The following SLC6A17 variants were observed in gnomAD, a reference collection of about 807,000 sequenced individuals.
SLC6A17 encodes sodium-dependent neutral amino acid transporter SLC6A17.
A neutral mutation model predicts 64.5 loss-of-function variants in SLC6A17; 21 were observed. That is an observed-to-expected ratio of 0.33 (90% CI 0.23 to 0.47). The LOEUF is 0.47. SLC6A17 is among the 20% of genes least tolerant of loss of function. The pLI is 1.00. For synonymous variants in SLC6A17, 372 were observed against 399.5 expected, an observed-to-expected ratio of 0.93 and a Z score of 0.82; for missense variants, 682 against 963.2, an observed-to-expected ratio of 0.71 and a Z score of 3.86.
Position 110,197,467 on chromosome 1 carries a change from C to T in SLC6A17, c.1683C>T (p.Gly561=). ...KFMQELTEML[G]FRPYRFYFYM... ...TGCAGGAGCTGACGGAGATGCTGGGCTTCCGCCCCTACCGCTTCTATTTCT... is the reference window on the plus strand; with the variant it reads ...TGCAGGAGCTGACGGAGATGCTGGGTTTCCGCCCCTACCGCTTCTATTTCT... The change falls in exon 11 of 12, where the codon GGC becomes GGT. Residue 561 remains glycine, a synonymous_variant. Transcript: ENST00000331565. 1 of 1,613,184 alleles carries T rather than the reference C, an allele frequency of 6.2e-7. No individual in the cohort carries two copies. Among genetic ancestry groups the T allele is most frequent in the South Asian group, 1.1e-5 (1 of 90,992 alleles).
chr1:110,178,991 C>T (rs1259289366), intron 6 of SLC6A17, among the ~76,000 whole-genome samples: 1 of 152,210 alleles, frequency 6.6e-6, no homozygotes. Flanking sequence ...CAATGTTTAG[C>T]ATTTCTGCAT....
intron 1 of SLC6A17, among the ~76,000 whole-genome samples, chr1:110,151,620 G>A (rs1281267304): frequency 2.0e-5 from 3 of 152,190 alleles, no homozygotes; most frequent in Non-Finnish European, 4.4e-5. Flanking sequence ...AGTACTATGG[G>A]TGGGCCGCTC....
intron 10 of SLC6A17, among the ~76,000 whole-genome samples, chr1:110,196,748 AT>A (rs1268529822): frequency 1.3e-5 from 2 of 152,208 alleles, no homozygotes; most frequent in Non-Finnish European, 2.9e-5. Flanking sequence ...AGATCTAGCT[AT>A]AGATCTAATA....
intron 11 of SLC6A17, 89 bp downstream of exon 11, chr1:110,197,688 A>G: frequency 7.1e-7 from 1 of 1,408,684 alleles, no homozygotes; most frequent in Non-Finnish European, 9.4e-7. Flanking sequence ...TTTCTAGGGC[A>G]GCTGCTATGT....
At chr1:110,182,018 T>G (rs1656539233) in intron 6 of SLC6A17, among the ~76,000 whole-genome samples, 1 of 152,122 alleles carries the variant, frequency 6.6e-6, no homozygotes, top group Non-Finnish European at 1.5e-5. Context: ...GGACGATCAT[T>G]CTAAGCCTCT....
intron 9 of SLC6A17, 94 bp downstream of exon 9, chr1:110,194,865 A>AG: frequency 1.4e-6 from 2 of 1,470,684 alleles, no homozygotes; most frequent in Non-Finnish European, 1.9e-6. Flanking sequence ...TCATGACCCC[A>AG]CACCCAGAAG....
intron 6 of SLC6A17, among the ~76,000 whole-genome samples, chr1:110,191,392 C>T (rs948280091): frequency 1.3e-5 from 2 of 152,196 alleles, no homozygotes; most frequent in South Asian, 2.1e-4. Flanking sequence ...GAAGCTTAGG[C>T]GGAGGCCCTT....
intron 1 of SLC6A17, among the ~76,000 whole-genome samples, chr1:110,162,319 G>C (rs901735154): frequency 2.0e-5 from 3 of 152,248 alleles, no homozygotes; most frequent in Non-Finnish European, 2.9e-5. Context: ...TGTTACAGGT[G>C]CCTGGGGCAG....
At chr1:110,164,676 T>G (rs1400684240) in intron 1 of SLC6A17, among the ~76,000 whole-genome samples, 1 of 152,228 alleles carries the variant, frequency 6.6e-6, no homozygotes, top group Non-Finnish European at 1.5e-5. Context: ...TCGTATTAGC[T>G]GATGCCCTGT....
chr1:110,163,964 C>T (rs190325665), intron 1 of SLC6A17, among the ~76,000 whole-genome samples: 15 of 152,238 alleles, frequency 9.9e-5, no homozygotes, highest in Non-Finnish European at 1.5e-4. Context: ...TCCACCCCTC[C>T]GGTGTGACTC....
Position 110,198,426 on chromosome 1 carries a change from C to A in SLC6A17, c.2166C>A (p.Thr722=). 1 of 1,610,494 alleles carries A rather than the reference C, an allele frequency of 6.2e-7. No individual in the cohort carries two copies. The highest frequency in any genetic ancestry group is 8.5e-7 in the Non-Finnish European group (1 of 1,178,210). The part of the protein sequence containing the change: ...RYGSGYLLAS[T]PESEL The stretch of plus-strand genomic sequence containing the variant: ...GGAGCGGCTACCTGCTGGCCAGCAC[C>A]CCTGAGTCGGAGCTGTGACCACTGC... The change falls in exon 12 of 12, where the codon ACC becomes ACA. Residue 722 remains threonine (T), a synonymous_variant. Transcript: ENST00000331565.
rs945638944 is a variant in SLC6A17, at chr1:110,200,122, G to A, written c.*1678G>A. 2.0e-5 allele frequency: 8 copies of A among 398,390 alleles called. No individual in the cohort carries two copies. The highest frequency in any genetic ancestry group is 3.5e-5 in the Non-Finnish European group (8 of 226,068). The allele number at this position is 398,390 out of a possible 1,614,324, so 24.7% of individuals were successfully genotyped here. On this transcript the variant is annotated 3_prime_UTR_variant, in exon 12 of 12. Coordinates refer to ENST00000331565, the MANE Select transcript of SLC6A17 (RefSeq NM_001010898.4). ...GCAAGTCACTCTTGTGGCTCAGATT[G>A]CTCTTAGGACCTGGAGGGACAGACC...
At chr1:110,179,548 C>T (rs1170774995) in intron 6 of SLC6A17, among the ~76,000 whole-genome samples, 3 of 138,170 alleles carry the variant, frequency 2.2e-5, no homozygotes, top group African/African-American at 8.1e-5. Flanking sequence ...CCCCTCCCCT[C>T]CCCTCCCCTT....
intron 5 of SLC6A17, 56 bp from the exon 6 acceptor site, chr1:110,176,573 G>A (rs540365781): frequency 1.3e-6 from 2 of 1,515,382 alleles, no homozygotes; most frequent in African/African-American, 1.4e-5. Context: ...CAGGGATGGG[G>A]GGTGCCAGCT....
intron 6 of SLC6A17, among the ~76,000 whole-genome samples, chr1:110,186,197 C>A (rs1283111368): frequency 6.6e-6 from 1 of 152,088 alleles, no homozygotes; most frequent in Non-Finnish European, 1.5e-5. Flanking sequence ...AATCTCCAAG[C>A]TATATAGGGC....
rs1656916772 is a variant in SLC6A17, at chr1:110,194,749, G to A, written c.1470G>A (p.Lys490=). Reference sequence around the variant, plus strand: ...CCACGCCCATCATCGACACCTTCAAGGTGCCCAAGGAGATGTTCACAGGTA... The same window carrying A: ...CCACGCCCATCATCGACACCTTCAAAGTGCCCAAGGAGATGTTCACAGGTA... The part of the protein sequence containing the change: ...GITTPIIDTF[K]VPKEMFTVGC... The change falls in exon 9 of 12, where the codon AAG becomes AAA. Residue 490 remains lysine, a synonymous_variant. Transcript: ENST00000331565. 6.2e-7 allele frequency: 1 copy of A among 1,613,708 alleles called. No individual in the cohort carries two copies. The highest frequency in any genetic ancestry group is 1.1e-5 in the South Asian group (1 of 91,090).
At chr1:110,190,746 T>G in intron 6 of SLC6A17, among the ~76,000 whole-genome samples, 1 of 151,888 alleles carries the variant, frequency 6.6e-6, no homozygotes, top group East Asian at 1.9e-4. Flanking sequence ...TGAGGTCACT[T>G]AGGTTCACCT....
At chr1:110,155,197 TC>T (rs1655724343) in intron 1 of SLC6A17, among the ~76,000 whole-genome samples, 1 of 152,206 alleles carries the variant, frequency 6.6e-6, no homozygotes, top group Non-Finnish European at 1.5e-5. Flanking sequence ...GAAAAGGACT[TC>T]CCAGAAACCC....
rs144843569 is a variant in SLC6A17 at position 110,198,378 on chromosome 1, C to T, written c.2118C>T (p.Ser706=). 21 of 1,613,954 alleles carry T rather than the reference C, an allele frequency of 1.3e-5. No homozygotes were observed. The highest frequency in any genetic ancestry group is 5.5e-5 in the South Asian group (5 of 91,086). The change falls in exon 12 of 12, where the codon AGC becomes AGT. Residue 706 remains serine, a synonymous_variant. Transcript: ENST00000331565. ...GPGSTSPLET[S]GNPNGRYGSG... ...GCAGCACATCACCCCTGGAGACCAG[C>T]GGTAACCCCAATGGACGCTATGGGA...
Sources: gnomAD v4.1 joint callset for allele counts (sites outside exome capture counted in the v4.1 genomes callset) on GRCh38, gnomAD v4.1.1 for gene constraint, MANE v1.5 for transcripts, NCBI Gene and HGNC (gene_info 2026-07-23, HGNC 2026-07-21) for gene names.